The following NKX2-3 variants were observed in gnomAD, a reference collection of about 807,000 sequenced individuals.
NKX2-3 encodes homeobox protein Nkx-2.3.
Under a neutral mutation model 14.2 loss-of-function variants are expected in NKX2-3, and 3 were observed. The ratio of observed to expected loss-of-function variants is 0.21; its 90% CI spans 0.10 to 0.55. The LOEUF (loss-of-function observed/expected upper bound fraction) is 0.55. NKX2-3 is among the 20% of genes least tolerant of loss of function. The probability of loss-of-function intolerance (pLI) is 0.94; values close to 1 mark genes in which losing one functional copy is unlikely to be tolerated. For synonymous variants in NKX2-3, 276 were observed against 234.2 expected (o/e 1.18, Z -1.63); for missense variants, 511 against 514.5 (o/e 0.99, Z 0.06).
At chr10:99,533,564 C>T (rs2033934923) in intron 1 of NKX2-3, 75 bp downstream of exon 1, 2 of 1,114,728 alleles carry the variant, frequency 1.8e-6, no homozygotes, top group South Asian at 3.1e-5. Flanking sequence ...GCCCACAGAC[C>T]TTGCCAGCGC....
In NKX2-3 at chr10:99,535,039, A is replaced by C. The variant is rs1458076469; in HGVS notation, c.413A>C (p.Glu138Ala). 2.5e-6 allele frequency: 4 copies of C among 1,606,454 alleles called. No individual in the cohort carries two copies. The Admixed American group carries it at 5.1e-5, about 20-fold the overall frequency. The part of the protein sequence containing the change: ...LETAGDCKAA[E>A]ESERPKPRSR... ...ACGGCCGGAGACTGCAAGGCGGCGG[A>C]GGAGAGCGAGAGGCCGAAGCCACGC... The change falls in exon 2 of 2, where the codon GAG becomes GCG. Residue 138 changes from glutamate (E) to alanine (A), a missense_variant. By Grantham distance (107) the Glu-to-Ala change is moderately radical. Transcript: ENST00000344586.
Position 99,535,480 on chromosome 10 carries a change from C to G in NKX2-3, c.854C>G (p.Ala285Gly). Residue 285 changes from alanine (A) to glycine (G), a missense_variant, in exon 2 of 2, where the codon GCG (alanine) becomes GGG (glycine). Coordinates refer to ENST00000344586, the MANE Select transcript of NKX2-3 (RefSeq NM_145285.3). ...GCCGCCGCCGCCGCCGCAGCAGCGG[C>G]GGCCTACAGCAGCAGCTATGGCTGT... The part of the protein sequence containing the change: ...AAAAAAAAAA[A>G]AYSSSYGCAY... 8.3e-7 allele frequency: 1 copy of G among 1,204,756 alleles called. No individual in the cohort carries two copies. The highest frequency in any genetic ancestry group is 1.0e-6 in the Non-Finnish European group (1 of 965,542). 74.6% of individuals were successfully genotyped at this position (1,204,756 alleles called of 1,614,324 possible).
Position 99,533,456 on chromosome 10 carries a change from G to A in NKX2-3, c.325G>A (p.Glu109Lys), listed in dbSNP as rs1365133458. Reference protein sequence around the residue: ...DSCSEPKEHEEEPEVVRDRSQ... With the variant: ...DSCSEPKEHEKEPEVVRDRSQ... Reference sequence around the variant, plus strand: ...GTGCAGCGAGCCCAAGGAACATGAAGAGGAGCCCGAGGTCGTGAGGGACCG... The same window carrying A: ...GTGCAGCGAGCCCAAGGAACATGAAAAGGAGCCCGAGGTCGTGAGGGACCG... The change falls in exon 1 of 2, where the codon GAG (glutamate) becomes AAG (lysine). Residue 109 changes from glutamate to lysine, a missense_variant. Physicochemically the swap from Glu to Lys is moderately conservative, Grantham distance 56. Around this residue, in one of 3 missense-constraint regions of NKX2-3, gnomAD observed 243 missense variants for 242.3 expected, o/e 1.00. Coordinates refer to ENST00000344586, the MANE Select transcript of NKX2-3 (RefSeq NM_145285.3). 1 of 1,587,170 alleles carries A rather than the reference G, an allele frequency of 6.3e-7. No homozygotes were observed. Among genetic ancestry groups the A allele is most frequent in the Admixed American group, 1.8e-5 (1 of 54,688 alleles).
rs753948982 is a variant in NKX2-3 at position 99,535,442 on chromosome 10, GGCCGCCGCCGCCGCCGCCGCCGCC to G, written c.822_845del (p.Ala279_Ala286del). Reference sequence around the variant, plus strand: ...CCTACGGCTATGGGAACTCGGCCGCGGCCGCCGCCGCCGCCGCCGCCGCCGCCGCAGCAGCGGCGGCCTACAGCA... The same window carrying G: ...CCTACGGCTATGGGAACTCGGCCGCGGCCGCAGCAGCGGCGGCCTACAGCA... On this transcript the variant is annotated inframe_deletion, in exon 2 of 2. Transcript: ENST00000344586. 7.6e-7 allele frequency: 1 copy of G among 1,311,064 alleles called. No homozygotes were observed. The highest frequency in any genetic ancestry group is 1.8e-5 in the South Asian group (1 of 55,212). 81.2% of individuals were successfully genotyped at this position (1,311,064 alleles called of 1,614,324 possible). A position where few individuals can be genotyped will look rare whatever the true frequency, so the allele number is the denominator to read the frequency against.
chr10:99,533,545 A>G, intron 1 of NKX2-3, 56 bp downstream of exon 1: 1 of 1,333,440 alleles, frequency 7.5e-7, no homozygotes, highest in Non-Finnish European at 1.0e-6. Context: ...GGCAGAGCGC[A>G]CACAAACAGC....
rs2033927488 is a variant in NKX2-3, at chr10:99,533,071, C to A, written c.-61C>A. 8 of 1,284,132 alleles carry A rather than the reference C, an allele frequency of 6.2e-6. No homozygotes were observed. The Admixed American group carries it at 1.6e-4, about 25-fold the overall frequency. The allele number at this position is 1,284,132 out of a possible 1,614,324, so 79.5% of individuals were successfully genotyped here. On this transcript the variant is annotated 5_prime_UTR_variant, in exon 1 of 2. Transcript: ENST00000344586. ...AGTCCAGGAGGAGAGCTGGAGCCGC[C>A]GCGCTGCCTCCCCGCCCCCGCCGGG...
rs2033970247 is a variant in NKX2-3 at position 99,536,311 on chromosome 10, C to A, written c.*590C>A. On this transcript the variant is annotated 3_prime_UTR_variant, in exon 2 of 2. Coordinates refer to ENST00000344586, the MANE Select transcript of NKX2-3 (RefSeq NM_145285.3). The stretch of plus-strand genomic sequence containing the variant: ...CGCAGGACTCTTCGAGGAAAACCAG[C>A]CGAATGAGATCAAAAGTTGGGGGTG... 1 of 152,718 alleles carries A rather than the reference C, an allele frequency of 6.5e-6. No homozygotes were observed. The highest frequency in any genetic ancestry group is 6.5e-5 in the Admixed American group (1 of 15,284). 9.5% of individuals were successfully genotyped at this position (152,718 alleles called of 1,614,324 possible).
At chr10:99,533,584 T>C (rs7893840) in intron 1 of NKX2-3, 95 bp downstream of exon 1, 495,652 of 951,010 alleles carry the variant, frequency 0.52, 130,537 homozygotes, top group Admixed American at 0.59. Context: ...CAGCTGCCCA[T>C]CCCTTTACCC....
chr10:99,533,968 G>T (rs1019861694), intron 1 of NKX2-3, among the ~76,000 whole-genome samples: 9 of 152,196 alleles, frequency 5.9e-5, no homozygotes, highest in African/African-American at 1.9e-4. Flanking sequence ...TCTCGCACCC[G>T]CAGGGGCAGG....
rs1449759984 is a variant in NKX2-3, at chr10:99,535,640, C to T, written c.1014C>T (p.Gly338=). ...ACCTAGGAGGCTTCGGCAGCGGCGG[C>T]AGCGCACAGCCGTTGCACCAGGGTA... is the stretch of plus-strand genomic sequence containing the variant. ...VSNLGGFGSG[G]SAQPLHQGTA... Residue 338 remains glycine, a synonymous_variant, in exon 2 of 2, where the codon GGC becomes GGT. Transcript: ENST00000344586. 6.5e-7 allele frequency: 1 copy of T among 1,534,680 alleles called. No individual in the cohort carries two copies. The highest frequency in any genetic ancestry group is 1.2e-5 in the South Asian group (1 of 83,906).
In NKX2-3 at chr10:99,533,388, G is replaced by A. The variant is rs1344637696; in HGVS notation, c.257G>A (p.Gly86Glu). ...GCAGCAGACGGCCACGGGGATTCAG[G>A]GCTGTGTCCCCAGGGCTATGTCCAC... ...LAAADGHGDSGLCPQGYVHTV... is the reference protein window; with the variant it reads ...LAAADGHGDSELCPQGYVHTV... The change falls in exon 1 of 2, where the codon GGG (glycine) becomes GAG (glutamate). Residue 86 changes from glycine to glutamate, a missense_variant. Around this residue, in one of 3 missense-constraint regions of NKX2-3, gnomAD observed 243 missense variants for 242.3 expected, o/e 1.00. Transcript: ENST00000344586. 2.5e-6 allele frequency: 4 copies of A among 1,608,198 alleles called. No homozygotes were observed. In the Admixed American group the frequency reaches 6.8e-5, roughly 27 times the overall value.
chr10:99,534,625 G>A (rs1375781146), intron 1 of NKX2-3, among the ~76,000 whole-genome samples: 2 of 152,188 alleles, frequency 1.3e-5, no homozygotes, highest in Non-Finnish European at 2.9e-5. Flanking sequence ...ATGCAAACGA[G>A]TTTGCAAATA....
At position 99,535,906 on chromosome 10, in the gene NKX2-3, A is replaced by G. The variant is rs1438783965; in HGVS notation, c.*185A>G. 1.4e-6 allele frequency: 1 copy of G among 690,906 alleles called. No individual in the cohort carries two copies. Among genetic ancestry groups the G allele is most frequent in the Non-Finnish European group, 2.3e-6 (1 of 440,750 alleles). The allele number at this position is 690,906 out of a possible 1,614,324, so 42.8% of individuals were successfully genotyped here. A position where few individuals can be genotyped will look rare whatever the true frequency, so the allele number is the denominator to read the frequency against. On this transcript the variant is annotated 3_prime_UTR_variant, in exon 2 of 2. Coordinates refer to ENST00000344586, the MANE Select transcript of NKX2-3 (RefSeq NM_145285.3). ...AGGGGACTCAGGGGCGAGGAGGATG[A>G]CTGGGTCCGGTCGCCAGGACTGTCT...
In NKX2-3 at chr10:99,533,328, A is replaced by C. The variant is rs1380532994; in HGVS notation, c.197A>C (p.Glu66Ala). The C allele has an allele frequency of 1.9e-6, 3 of 1,613,128 alleles. No individual in the cohort carries two copies. Among genetic ancestry groups the C allele is most frequent in the Non-Finnish European group, 1.7e-6 (2 of 1,179,746 alleles). Residue 66 changes from glutamate to alanine, a missense_variant, in exon 1 of 2, where the codon GAG becomes GCG. This residue lies in a region of NKX2-3 where 243 missense variants were observed against 242.3 expected (regional missense o/e 1.00). Coordinates refer to ENST00000344586, the MANE Select transcript of NKX2-3 (RefSeq NM_145285.3). ...SDGGEEDEEDEGEKLSYLNSL... is the reference protein window; with the variant it reads ...SDGGEEDEEDAGEKLSYLNSL... ...GGAGGGGAGGAGGACGAGGAAGACGAGGGCGAGAAATTGTCCTATTTGAAC... is the reference window on the plus strand; with the variant it reads ...GGAGGGGAGGAGGACGAGGAAGACGCGGGCGAGAAATTGTCCTATTTGAAC...
chr10:99,534,869 A>G, intron 1 of NKX2-3, 116 bp from the exon 2 acceptor site: 1 of 1,285,606 alleles, frequency 7.8e-7, no homozygotes, highest in Non-Finnish European at 1.0e-6. Flanking sequence ...CCAAAAGTCC[A>G]GCCATTTACT....
intron 1 of NKX2-3, among the ~76,000 whole-genome samples, chr10:99,534,485 CCACA>C (rs140840756): frequency 6.6e-6 from 1 of 151,834 alleles, no homozygotes; most frequent in Non-Finnish European, 1.5e-5. Context: ...CTTTTATAAG[CCACA>C]CACACACACA....
chr10:99,534,902 C>G (rs2119558597), intron 1 of NKX2-3, 83 bp from the exon 2 acceptor site: 3 of 1,487,840 alleles, frequency 2.0e-6, no homozygotes, highest in Admixed American at 4.7e-5. Flanking sequence ...GCGCAGCCAC[C>G]AAAAAGGGTC....
chr10:99,533,331 G>A lies in NKX2-3; in HGVS notation c.200G>A (p.Gly67Asp), dbSNP rs1317737522. Residue 67 changes from glycine to aspartate, a missense_variant, in exon 1 of 2, where the codon GGC becomes GAC. Transcript: ENST00000344586. Reference sequence around the variant, plus strand: ...GGGGAGGAGGACGAGGAAGACGAGGGCGAGAAATTGTCCTATTTGAACTCA... The same window carrying A: ...GGGGAGGAGGACGAGGAAGACGAGGACGAGAAATTGTCCTATTTGAACTCA... ...DGGEEDEEDE[G>D]EKLSYLNSLA... 3.1e-6 allele frequency: 5 copies of A among 1,612,978 alleles called. No homozygotes were observed. In the African/African-American group the frequency reaches 5.3e-5, roughly 17 times the overall value.
At position 99,533,064 on chromosome 10, in the gene NKX2-3, G is replaced by A. The variant is rs1409219685; in HGVS notation, c.-68G>A. On this transcript the variant is annotated 5_prime_UTR_variant, in exon 1 of 2. Coordinates refer to ENST00000344586, the MANE Select transcript of NKX2-3 (RefSeq NM_145285.3). ...GCGGCGGAGTCCAGGAGGAGAGCTG[G>A]AGCCGCCGCGCTGCCTCCCCGCCCC... 3 of 1,179,414 alleles carry A rather than the reference G, an allele frequency of 2.5e-6. No individual in the cohort carries two copies. Among genetic ancestry groups the A allele is most frequent in the East Asian group, 4.7e-5 (2 of 42,298 alleles). 73.1% of individuals were successfully genotyped at this position (1,179,414 alleles called of 1,614,324 possible).
Sources: gnomAD v4.1 joint callset for allele counts (sites outside exome capture counted in the v4.1 genomes callset) on GRCh38, gnomAD v4.1.1 for gene constraint, gnomAD v4.1.1 regional missense constraint, MANE v1.5 for transcripts, NCBI Gene and HGNC (gene_info 2026-07-23, HGNC 2026-07-21) for gene names.